C1orf105: variants seen among roughly 807,000 people sequenced by gnomAD.
C1orf105 encodes the protein chromosome 1 open reading frame 105, also known as uncharacterized protein C1orf105.
Under a neutral mutation model 20.8 loss-of-function variants are expected in C1orf105, and 17 were observed. That is an observed-to-expected ratio of 0.82 (90% CI 0.56 to 1.23). The LOEUF (loss-of-function observed/expected upper bound fraction) is 1.23. Among genes scored for constraint, C1orf105 ranks in the 50% most tolerant of loss-of-function variants. The pLI is 0.00. For missense variants in C1orf105, 219 were observed against 213.5 expected, an observed-to-expected ratio of 1.03 and a Z score of -0.16; for synonymous variants, 72 against 72.1, an observed-to-expected ratio of 1.00 and a Z score of 0.01.
chr1:172,438,509 T>C (rs1228131812), intron 1 of C1orf105, among the ~76,000 whole-genome samples: 27 of 152,196 alleles, frequency 1.8e-4, no homozygotes, highest in Non-Finnish European at 5.9e-5. Context: ...ATTGCTACAA[T>C]CATATGATAG....
intron 4 of C1orf105, among the ~76,000 whole-genome samples, chr1:172,461,787 A>G (rs989873053): frequency 2.0e-5 from 3 of 152,234 alleles, no homozygotes; most frequent in African/African-American, 7.2e-5. Flanking sequence ...AAGTAAATAC[A>G]ATATAAAGGT....
intron 1 of C1orf105, among the ~76,000 whole-genome samples, chr1:172,437,598 G>C (rs1165727595): frequency 2.9e-5 from 3 of 104,072 alleles, no homozygotes; most frequent in African/African-American, 1.1e-4. Context: ...GTGGGGGGAG[G>C]GGGGAGGGAT....
intron 3 of C1orf105, among the ~76,000 whole-genome samples, chr1:172,450,706 ACTC>A (rs1648534243): frequency 6.6e-6 from 1 of 151,264 alleles, no homozygotes; most frequent in East Asian, 1.9e-4. Context: ...ACACCCACTT[ACTC>A]CTCCCCTGCC....
At chr1:172,465,556 G>A (rs1649988311) in intron 6 of C1orf105, 193 bp downstream of exon 6, 1 of 678,462 alleles carries the variant, frequency 1.5e-6, no homozygotes, top group East Asian at 2.8e-5. Flanking sequence ...AGCACCACCT[G>A]TGCCCTCCTC....
At chr1:172,436,047 CT>C (rs1365739295) in intron 1 of C1orf105, among the ~76,000 whole-genome samples, 1 of 152,156 alleles carries the variant, frequency 6.6e-6, no homozygotes, top group Non-Finnish European at 1.5e-5. Context: ...TGTGAAGGAC[CT>C]CTTCAAGAAG....
At chr1:172,456,085 C>T (rs181684047) in intron 3 of C1orf105, among the ~76,000 whole-genome samples, 1 of 152,218 alleles carries the variant, frequency 6.6e-6, no homozygotes, top group African/African-American at 2.4e-5. Flanking sequence ...GACACAGGTG[C>T]TCAGGCTGGA....
chr1:172,434,468 T>G (rs2071972996), intron 1 of C1orf105, among the ~76,000 whole-genome samples: 1 of 152,146 alleles, frequency 6.6e-6, no homozygotes, highest in Non-Finnish European at 1.5e-5. Flanking sequence ...GCCACACAAC[T>G]ACATGGAAAC....
At chr1:172,434,576 C>T (rs1048720556) in intron 1 of C1orf105, among the ~76,000 whole-genome samples, 6 of 152,288 alleles carry the variant, frequency 3.9e-5, no homozygotes, top group Admixed American at 1.3e-4. Context: ...ACACAACATA[C>T]CAGAATCTCT....
At chr1:172,428,744 T>A (rs2071786582) in intron 1 of C1orf105, 2 of 671,120 alleles carry the variant, frequency 3.0e-6, no homozygotes, top group Non-Finnish European at 5.3e-6. Flanking sequence ...CTCCTCCTGC[T>A]ATAATGTCAG....
At chr1:172,450,444 G>A (rs74126223) in intron 3 of C1orf105, among the ~76,000 whole-genome samples, 10,469 of 152,314 alleles carry the variant, frequency 0.069, 370 homozygotes, top group Middle Eastern at 0.13. Flanking sequence ...AGGCCTGCAC[G>A]TATGTGCCAT....
chr1:172,425,403 T>G (rs947861858), intron 1 of C1orf105, among the ~76,000 whole-genome samples: 13 of 152,196 alleles, frequency 8.5e-5, no homozygotes, highest in Non-Finnish European at 8.8e-5. Context: ...ATGATGGTTA[T>G]TGTTCGTCAA....
At chr1:172,462,897 C>A (rs148290485) in intron 5 of C1orf105, among the ~76,000 whole-genome samples, 1 of 151,934 alleles carries the variant, frequency 6.6e-6, no homozygotes, top group Non-Finnish European at 1.5e-5. Flanking sequence ...CTCAACTTCC[C>A]AAATAGCTGC....
At chr1:172,457,985 G>A (rs553996332) in intron 4 of C1orf105, among the ~76,000 whole-genome samples, 2 of 152,332 alleles carry the variant, frequency 1.3e-5, no homozygotes, top group African/African-American at 4.8e-5. Flanking sequence ...GTCTGCTGTA[G>A]TCACTGTGAT....
chr1:172,462,354 G>A (rs2149192398), intron 5 of C1orf105, 109 bp downstream of exon 5: 4 of 772,590 alleles, frequency 5.2e-6, no homozygotes, highest in African/African-American at 3.7e-5. Flanking sequence ...AATGCTTAGG[G>A]AACAGGCTTC....
chr1:172,456,438 C>T lies in C1orf105; in HGVS notation c.222C>T (p.Ser74=). The T allele has an allele frequency of 4.3e-6, 7 of 1,613,468 alleles. No homozygotes were observed. The highest frequency in any genetic ancestry group is 5.9e-6 in the Non-Finnish European group (7 of 1,180,016). ...AGGCCAGGAGGAACCAGTGTGACTC[C>T]ATGCTGCTCAGAAACCAACAGCTGT... ...LSKARRNQCD[S]MLLRNQQLCS... is the part of the protein sequence containing the mutation. Residue 74 remains serine, a synonymous_variant, in exon 4 of 7, where the codon TCC becomes TCT. Transcript: ENST00000367727.
chr1:172,432,652 A>C (rs2071907890), intron 1 of C1orf105, among the ~76,000 whole-genome samples: 1 of 152,260 alleles, frequency 6.6e-6, no homozygotes, highest in South Asian at 2.1e-4. Context: ...AACCACAAAG[A>C]TGGGGAGAAA....
chr1:172,460,993 A>AGG (rs954761243), intron 4 of C1orf105, among the ~76,000 whole-genome samples: 10 of 152,346 alleles, frequency 6.6e-5, no homozygotes, highest in African/African-American at 2.4e-4. Context: ...GCTATTCAGG[A>AGG]GGAGTTACAG....
intron 1 of C1orf105, among the ~76,000 whole-genome samples, chr1:172,432,536 AG>A (rs1281785535): frequency 6.6e-6 from 1 of 152,246 alleles, no homozygotes; most frequent in Non-Finnish European, 1.5e-5. Flanking sequence ...GACTGTTAGA[AG>A]GAAAACTAAC....
chr1:172,461,666 CA>C (rs141423428), intron 4 of C1orf105, among the ~76,000 whole-genome samples: 459 of 152,192 alleles, frequency 3.0e-3, no homozygotes, highest in Non-Finnish European at 5.4e-3. Context: ...CTAATTTGAT[CA>C]AAAATATTTC....
Sources: gnomAD v4.1 joint callset for allele counts (sites outside exome capture counted in the v4.1 genomes callset) on GRCh38, gnomAD v4.1.1 for gene constraint, MANE v1.5 for transcripts, NCBI Gene and HGNC (gene_info 2026-07-23, HGNC 2026-07-21) for gene names.